The following IFNLR1 variants were observed in gnomAD, a reference collection of about 807,000 sequenced individuals.
IFNLR1 encodes the protein interferon lambda receptor 1.
In IFNLR1, 28 loss-of-function variants were observed where a neutral mutation model predicts 52.5. The observed-to-expected ratio is 0.53, with a 90% CI of 0.40 to 0.73. IFNLR1 has a LOEUF of 0.73. Among genes scored for constraint, IFNLR1 ranks in the 30% least tolerant of loss-of-function variants. The pLI, the probability that IFNLR1 is intolerant of heterozygous loss-of-function variation, is 0.00. For missense variants in IFNLR1, 623 were observed against 659.1 expected (o/e 0.95, Z 0.60); for synonymous variants, 276 against 274.9 (o/e 1.00, Z -0.04).
intron 2 of IFNLR1, among the ~76,000 whole-genome samples, chr1:24,170,130 G>A (rs905703308): frequency 1.3e-5 from 2 of 152,204 alleles, no homozygotes; most frequent in Non-Finnish European, 2.9e-5. Context: ...ATGCGAAGAC[G>A]CAGCGAGAAG....
Position 24,157,340 on chromosome 1 carries a change from C to A in IFNLR1, c.1353G>T (p.Trp451Cys). The A allele has an allele frequency of 6.2e-7, 1 of 1,614,168 alleles. No homozygotes were observed. The highest frequency in any genetic ancestry group is 8.5e-7 in the Non-Finnish European group (1 of 1,180,020). The change falls in exon 7 of 7, where the codon TGG (tryptophan) becomes TGT (cysteine). Residue 451 changes from tryptophan to cysteine, a missense_variant. Physicochemically the swap from Trp to Cys is radical, Grantham distance 215. Coordinates refer to ENST00000327535, the MANE Select transcript of IFNLR1 (RefSeq NM_170743.4). This position sits in a 1 kb window ranked among gnomAD's most constrained non-coding sequence, Gnocchi z 5.1. ...PEDNLSSWAT[W>C]GTLPPEPNLV... ...GATTCGGCTCCGGTGGTAAGGTGCCCCAGGTGGCCCAGGAGGAGAGGTTAT... is the reference window on the plus strand; with the variant it reads ...GATTCGGCTCCGGTGGTAAGGTGCCACAGGTGGCCCAGGAGGAGAGGTTAT...
intron 3 of IFNLR1, among the ~76,000 whole-genome samples, chr1:24,168,640 A>T (rs780893134): frequency 6.6e-6 from 1 of 152,028 alleles, no homozygotes; most frequent in African/African-American, 2.4e-5. Context: ...GATTTCTGCC[A>T]GTAAGCATGG....
Position 24,180,712 on chromosome 1 carries a change from C to A in IFNLR1, c.182+19G>T. ...CCCCCTCAGTCTTCCCATCCACCAG[C>A]CGAGAGAGTCCCCTCTACCTCTGAT... On this transcript the variant is annotated intron_variant, in intron 2 of 6. Coordinates refer to ENST00000327535, the MANE Select transcript of IFNLR1 (RefSeq NM_170743.4). The A allele has an allele frequency of 6.3e-7, 1 of 1,598,542 alleles. No homozygotes were observed. Among genetic ancestry groups the A allele is most frequent in the Non-Finnish European group, 8.5e-7 (1 of 1,171,664 alleles).
At chr1:24,185,921 G>C (rs1326974707) in intron 1 of IFNLR1, among the ~76,000 whole-genome samples, 1 of 152,224 alleles carries the variant, frequency 6.6e-6, no homozygotes, top group Non-Finnish European at 1.5e-5. Flanking sequence ...AGGGCGCTAG[G>C]CTCAGAGACA....
rs759355815 is a variant in IFNLR1 at position 24,159,324 on chromosome 1, G to A, written c.671-142C>T. On this transcript the variant is annotated intron_variant, in intron 5 of 6. Transcript: ENST00000327535. Reference sequence around the variant, plus strand: ...CTGCAGACTGTGCAAACCAAGGTTTGGGGCATTATGTAAGCTGCCCAAAGA... The same window carrying A: ...CTGCAGACTGTGCAAACCAAGGTTTAGGGCATTATGTAAGCTGCCCAAAGA... 72 of 1,239,904 alleles carry A rather than the reference G, an allele frequency of 5.8e-5. 1 individual carries two copies. The highest frequency in any genetic ancestry group is 9.9e-5 in the South Asian group (7 of 70,572). The allele number at this position is 1,239,904 out of a possible 1,614,324, so 76.8% of individuals were successfully genotyped here.
intron 3 of IFNLR1, among the ~76,000 whole-genome samples, chr1:24,162,986 A>C (rs1374126552): frequency 9.0e-6 from 1 of 110,848 alleles, no homozygotes; most frequent in Non-Finnish European, 1.7e-5. Context: ...TTTGAGACAG[A>C]GTCTTGCTCT....
chr1:24,159,737 G>GTTTTTTTTTTTTTTTTTT (rs79165037), intron 4 of IFNLR1, 104 bp from the exon 5 acceptor site: 1 of 360,984 alleles, frequency 2.8e-6, no homozygotes. Context: ...TTTTTTTTTT[G>GTTTTTTTTTTTTTTTTTT]TTTTTTTTTT....
At chr1:24,179,615 CT>C (rs1644668471) in intron 2 of IFNLR1, among the ~76,000 whole-genome samples, 1 of 152,212 alleles carries the variant, frequency 6.6e-6, no homozygotes, top group Non-Finnish European at 1.5e-5. Context: ...CCGAGTTCCC[CT>C]TCTGGCTCCA....
At chr1:24,185,093 C>T (rs3932665) in intron 1 of IFNLR1, among the ~76,000 whole-genome samples, 46,914 of 151,982 alleles carry the variant, frequency 0.31, 8,490 homozygotes, top group Admixed American at 0.51. Context: ...AGGTTCTGTG[C>T]TAAACAGTTT....
chr1:24,158,062 G>T (rs1644401901), intron 6 of IFNLR1, among the ~76,000 whole-genome samples, 171 bp from the exon 7 acceptor site: 2 of 152,244 alleles, frequency 1.3e-5, no homozygotes, highest in African/African-American at 4.8e-5. Context: ...CAGCCAGGAA[G>T]CAGGGTGTTA....
chr1:24,161,313 T>C, intron 4 of IFNLR1: 1 of 605,548 alleles, frequency 1.7e-6, no homozygotes. Flanking sequence ...AGAGCTTATC[T>C]GTATTTTTCA....
chr1:24,180,950 GCTCA>G lies in IFNLR1; in HGVS notation c.59-100_59-97del, dbSNP rs1219050378. The G allele has an allele frequency of 2.4e-5, 31 of 1,294,644 alleles. No individual in the cohort carries two copies. In the African/African-American group the frequency reaches 4.1e-4, roughly 17 times the overall value. 80.2% of individuals were successfully genotyped at this position (1,294,644 alleles called of 1,614,324 possible). A position where few individuals can be genotyped will look rare whatever the true frequency, so the allele number is the denominator to read the frequency against. On this transcript the variant is annotated intron_variant, in intron 1 of 6. Transcript: ENST00000327535. ...GGGGCAGCACGAAGGGCAAGCAGGTGCTCACTGAGTTTGAGGAACCAGGAGCCAC... is the reference window on the plus strand; with the variant it reads ...GGGGCAGCACGAAGGGCAAGCAGGTGCTGAGTTTGAGGAACCAGGAGCCAC...
intron 2 of IFNLR1, among the ~76,000 whole-genome samples, chr1:24,174,876 A>G (rs1237173091): frequency 6.6e-6 from 1 of 152,204 alleles, no homozygotes; most frequent in Non-Finnish European, 1.5e-5. Context: ...TGCAAAAAAA[A>G]AAATGAGAAA....
intron 2 of IFNLR1, among the ~76,000 whole-genome samples, chr1:24,171,364 T>A (rs1414310661): frequency 6.6e-6 from 1 of 152,176 alleles, no homozygotes; most frequent in African/African-American, 2.4e-5. Flanking sequence ...TAACAAAATA[T>A]TAACACAAAG....
Position 24,156,996 on chromosome 1 carries a change from G to A in IFNLR1, c.*134C>T. 1.0e-6 allele frequency: 1 copy of A among 994,500 alleles called. No individual in the cohort carries two copies. The highest frequency in any genetic ancestry group is 1.5e-6 in the Non-Finnish European group (1 of 670,272). The allele number at this position is 994,500 out of a possible 1,614,324, so 61.6% of individuals were successfully genotyped here. On this transcript the variant is annotated 3_prime_UTR_variant, in exon 7 of 7. Coordinates refer to ENST00000327535, the MANE Select transcript of IFNLR1 (RefSeq NM_170743.4). Reference sequence around the variant, plus strand: ...CAGCCCGACAGGCAAACAGCCGCTAGGTGGACTTCCCGGAAGTGCAATGCC... The same window carrying A: ...CAGCCCGACAGGCAAACAGCCGCTAAGTGGACTTCCCGGAAGTGCAATGCC...
intron 6 of IFNLR1, 100 bp downstream of exon 6, chr1:24,158,951 TG>T: frequency 8.1e-7 from 1 of 1,237,288 alleles, no homozygotes; most frequent in Non-Finnish European, 1.1e-6. Flanking sequence ...TCCAAGAGTC[TG>T]GACCATCTTG....
rs1029325459 is a variant in IFNLR1, at chr1:24,155,679, C to T, written c.*1451G>A. The T allele has an allele frequency of 6.6e-6, 1 of 152,218 alleles. No homozygotes were observed. Among genetic ancestry groups the T allele is most frequent in the Non-Finnish European group, 1.5e-5 (1 of 68,048 alleles). The allele number at this position is 152,218 out of a possible 1,614,324, so 9.4% of individuals were successfully genotyped here. A position where few individuals can be genotyped will look rare whatever the true frequency, so the allele number is the denominator to read the frequency against. ...TCCAGTTCTGCCATTTAATGCTGTA[C>T]CCTTGTGGTGGCTTTAAAGCAACAC... On this transcript the variant is annotated 3_prime_UTR_variant, in exon 7 of 7. Coordinates refer to ENST00000327535, the MANE Select transcript of IFNLR1 (RefSeq NM_170743.4).
At chr1:24,161,718 C>T (rs1033004714) in intron 3 of IFNLR1, 34 bp from the exon 4 acceptor site, 26 of 1,454,970 alleles carry the variant, frequency 1.8e-5, no homozygotes, top group Middle Eastern at 2.3e-4. Context: ...TCAGTAATCC[C>T]GAGGGGCCGC....
In IFNLR1 at chr1:24,187,240, C is replaced by T. The variant is rs1644748624; in HGVS notation, c.9G>A (p.Gly3=). ...GGAGCAGGGGGCCCCAGCGCTCGGGCCCCGCCATGGCCTTCCTGCCGCGGC... is the reference window on the plus strand; with the variant it reads ...GGAGCAGGGGGCCCCAGCGCTCGGGTCCCGCCATGGCCTTCCTGCCGCGGC... MA[G]PERWGPLLLC... The change falls in exon 1 of 7, where the codon GGG becomes GGA. Residue 3 remains glycine, a synonymous_variant. Transcript: ENST00000327535. 1.6e-6 allele frequency: 2 copies of T among 1,282,056 alleles called. No individual in the cohort carries two copies. The highest frequency in any genetic ancestry group is 3.1e-5 in the East Asian group (1 of 31,782). 79.4% of individuals were successfully genotyped at this position (1,282,056 alleles called of 1,614,324 possible). A position where few individuals can be genotyped will look rare whatever the true frequency, so the allele number is the denominator to read the frequency against.
Sources: gnomAD v4.1 joint callset for allele counts (sites outside exome capture counted in the v4.1 genomes callset) on GRCh38, gnomAD v4.1.1 for gene constraint, Gnocchi (gnomAD v3.1) non-coding constraint, MANE v1.5 for transcripts, NCBI Gene and HGNC (gene_info 2026-07-23, HGNC 2026-07-21) for gene names.